SDK1: variants seen among roughly 807,000 people sequenced by gnomAD.
SDK1 encodes sidekick cell adhesion molecule 1.
A neutral mutation model predicts 245.5 loss-of-function variants in SDK1; 157 were observed. The observed-to-expected ratio is 0.64, with a 90% CI of 0.56 to 0.73. The LOEUF (loss-of-function observed/expected upper bound fraction) is 0.73, where lower values mean the gene tolerates loss of function less well. Ranked by LOEUF, SDK1 falls within the 30% of genes least tolerant of loss-of-function variation. SDK1 has a pLI of 0.00. For missense variants in SDK1, 3,583 were observed against 3,002.3 expected, an observed-to-expected ratio of 1.19 and a Z score of -4.52; for synonymous variants, 1,647 against 1,278.5, an observed-to-expected ratio of 1.29 and a Z score of -6.15.
chr7:3,975,052 C>G (rs1782805983), intron 13 of SDK1, among the ~76,000 whole-genome samples: 1 of 152,076 alleles, frequency 6.6e-6, no homozygotes, highest in Admixed American at 6.6e-5. Context: ...AAACAGAAAG[C>G]AACTGCCCGT....
chr7:4,224,223 A>G (rs1258866427), intron 40 of SDK1, among the ~76,000 whole-genome samples: 1 of 152,198 alleles, frequency 6.6e-6, no homozygotes, highest in African/African-American at 2.4e-5. Context: ...ATTTATAAAG[A>G]AAAAAAGTTT....
intron 5 of SDK1, among the ~76,000 whole-genome samples, chr7:3,947,401 GTTTATA>G (rs1249463397): frequency 6.6e-6 from 1 of 152,048 alleles, no homozygotes; most frequent in East Asian, 1.9e-4. Context: ...AATATACACT[GTTTATA>G]TTTACTATGT....
At chr7:4,017,048 C>G (rs1330109861) in intron 16 of SDK1, 123 bp from the exon 17 acceptor site, 7 of 888,516 alleles carry the variant, frequency 7.9e-6, no homozygotes, top group Middle Eastern at 3.6e-4. Flanking sequence ...TAGGGCTGAC[C>G]TCTCAGCTCT....
chr7:4,051,074 G>A (rs528757071), intron 18 of SDK1, among the ~76,000 whole-genome samples: 12 of 137,676 alleles, frequency 8.7e-5, no homozygotes, highest in African/African-American at 3.2e-4. Flanking sequence ...TGTTATGTAT[G>A]TTATATATAG....
rs746556106 is a variant in SDK1 at position 4,245,721 on chromosome 7, G to A, written c.6297G>A (p.Glu2099=). ...PSPGGLHYSD[E]DICNKYNGAV... The stretch of plus-strand genomic sequence containing the variant: ...CCGGCGGCCTGCACTACTCAGACGA[G>A]GACATCTGCAACAAGTACAACGGCG... Residue 2099 remains glutamate, a synonymous_variant, in exon 44 of 45, where the codon GAG becomes GAA. Coordinates refer to ENST00000404826, the MANE Select transcript of SDK1 (RefSeq NM_152744.4). The A allele has an allele frequency of 6.2e-7, 1 of 1,614,108 alleles. No individual in the cohort carries two copies. Among genetic ancestry groups the A allele is most frequent in the Non-Finnish European group, 8.5e-7 (1 of 1,180,022 alleles).
chr7:3,570,733 G>T (rs1780088888), intron 1 of SDK1, among the ~76,000 whole-genome samples: 1 of 152,146 alleles, frequency 6.6e-6, no homozygotes, highest in Non-Finnish European at 1.5e-5. Flanking sequence ...TGTGAGAGTC[G>T]GTGTAATTTA....
intron 1 of SDK1, among the ~76,000 whole-genome samples, chr7:3,321,144 C>T (rs773925280): frequency 5.3e-5 from 8 of 152,102 alleles, no homozygotes; most frequent in Admixed American, 1.3e-4. Context: ...ATTCATCATA[C>T]GTGAAATAAA....
intron 1 of SDK1, among the ~76,000 whole-genome samples, chr7:3,438,130 C>A (rs1351725977): frequency 1.3e-5 from 2 of 152,122 alleles, no homozygotes; most frequent in Non-Finnish European, 1.5e-5. Flanking sequence ...TGCCTTTGCC[C>A]CAGAGTGCTT....
chr7:3,927,587 C>T (rs1414871236), intron 5 of SDK1, among the ~76,000 whole-genome samples: 1 of 152,168 alleles, frequency 6.6e-6, no homozygotes, highest in East Asian at 1.9e-4. Context: ...GTGACACTGT[C>T]ATTTCAGAGG....
At chr7:3,920,169 T>C (rs1779537810) in intron 5 of SDK1, among the ~76,000 whole-genome samples, 1 of 152,072 alleles carries the variant, frequency 6.6e-6, no homozygotes, top group Non-Finnish European at 1.5e-5. Context: ...GCACTGAGGA[T>C]CAGCAGGGGA....
At chr7:4,088,290 A>G (rs1456588276) in intron 22 of SDK1, among the ~76,000 whole-genome samples, 1 of 152,110 alleles carries the variant, frequency 6.6e-6, no homozygotes, top group Non-Finnish European at 1.5e-5. Flanking sequence ...TCTTCCTTTG[A>G]ATTTTTTATA....
chr7:3,683,841 A>C (rs1043032226), intron 4 of SDK1, among the ~76,000 whole-genome samples: 1 of 152,202 alleles, frequency 6.6e-6, no homozygotes, highest in Non-Finnish European at 1.5e-5. Flanking sequence ...CACAGACACA[A>C]AATGCTCCAA....
At chr7:3,961,384 A>G (rs1781669985) in intron 8 of SDK1, among the ~76,000 whole-genome samples, 1 of 152,254 alleles carries the variant, frequency 6.6e-6, no homozygotes, top group African/African-American at 2.4e-5. Flanking sequence ...ATTCCATGGC[A>G]TTAACTTTAT....
chr7:3,749,446 T>C (rs1583371958), intron 4 of SDK1, among the ~76,000 whole-genome samples: 1 of 152,284 alleles, frequency 6.6e-6, no homozygotes, highest in Non-Finnish European at 1.5e-5. Context: ...ATTACAGGCG[T>C]GTACCACCAC....
At chr7:4,146,990 C>T (rs1195462460) in intron 29 of SDK1, among the ~76,000 whole-genome samples, 1 of 152,204 alleles carries the variant, frequency 6.6e-6, no homozygotes, top group Non-Finnish European at 1.5e-5. Flanking sequence ...TCAGTGGGCT[C>T]CGCGCATGTC....
chr7:4,141,659 G>A (rs1025221662), intron 28 of SDK1, among the ~76,000 whole-genome samples: 6 of 152,324 alleles, frequency 3.9e-5, no homozygotes, highest in South Asian at 2.1e-4. Flanking sequence ...CCTGGCCATC[G>A]GGGATGCTGG....
chr7:4,129,584 T>G (rs1395269235), intron 26 of SDK1: 1 of 962,058 alleles, frequency 1.0e-6, no homozygotes, highest in African/African-American at 1.7e-5. Flanking sequence ...GTTGTCTGTG[T>G]TCATAATCGA....
At chr7:3,973,122 G>A (rs1025197683) in intron 12 of SDK1, among the ~76,000 whole-genome samples, 1 of 152,086 alleles carries the variant, frequency 6.6e-6, no homozygotes, top group Non-Finnish European at 1.5e-5. Context: ...TGGGTTACTC[G>A]CTCTCGGGGT....
intron 4 of SDK1, among the ~76,000 whole-genome samples, chr7:3,654,504 A>G (rs1783102402): frequency 6.6e-6 from 1 of 152,210 alleles, no homozygotes; most frequent in South Asian, 2.1e-4. Context: ...CTTATAAGCA[A>G]TAATAGGTCA....
Sources: gnomAD v4.1 joint callset for allele counts (sites outside exome capture counted in the v4.1 genomes callset) on GRCh38, gnomAD v4.1.1 for gene constraint, MANE v1.5 for transcripts, NCBI Gene and HGNC (gene_info 2026-07-23, HGNC 2026-07-21) for gene names.